The following SPECC1L variants were observed in gnomAD, a reference collection of about 807,000 sequenced individuals.
The protein encoded by SPECC1L is cytospin-A.
A neutral mutation model predicts 116.8 loss-of-function variants in SPECC1L; 40 were observed. The ratio of observed to expected loss-of-function variants is 0.34; its 90% CI spans 0.27 to 0.45. The LOEUF (loss-of-function observed/expected upper bound fraction) is 0.45. Ranked by LOEUF, SPECC1L falls within the 20% of genes least tolerant of loss-of-function variation. SPECC1L has a pLI of 1.00. For missense variants in SPECC1L, 1,110 were observed against 1,373.6 expected (o/e 0.81, Z 3.03); for synonymous variants, 504 against 500.6 (o/e 1.01, Z -0.09).
intron 14 of SPECC1L, among the ~76,000 whole-genome samples, chr22:24,380,500 A>G (rs2042045288): frequency 6.6e-6 from 1 of 152,244 alleles, no homozygotes; most frequent in East Asian, 1.9e-4. Flanking sequence ...CAACGGAGAT[A>G]GATTCCCTAA....
At position 24,415,612 on chromosome 22, in the gene SPECC1L, C is replaced by T. The variant is rs530046309; in HGVS notation, c.*989C>T. 6.5e-6 allele frequency: 1 copy of T among 152,706 alleles called. No individual in the cohort carries two copies. The highest frequency in any genetic ancestry group is 6.5e-5 in the Admixed American group (1 of 15,308). 9.5% of individuals were successfully genotyped at this position (152,706 alleles called of 1,614,324 possible). A position where few individuals can be genotyped will look rare whatever the true frequency, so the allele number is the denominator to read the frequency against. On this transcript the variant is annotated 3_prime_UTR_variant, in exon 17 of 17. Coordinates refer to ENST00000314328, the MANE Select transcript of SPECC1L (RefSeq NM_015330.6). Reference sequence around the variant, plus strand: ...GGGAGCCCAGGCAGTGTCATTTAAACTCACTGAGTCACTAAGACATAATTC... The same window carrying T: ...GGGAGCCCAGGCAGTGTCATTTAAATTCACTGAGTCACTAAGACATAATTC...
At chr22:24,396,184 C>G (rs748475850) in intron 14 of SPECC1L, among the ~76,000 whole-genome samples, 1 of 152,134 alleles carries the variant, frequency 6.6e-6, no homozygotes, top group Non-Finnish European at 1.5e-5. Flanking sequence ...CTAAACCAGT[C>G]ATGAAATACA....
intron 14 of SPECC1L, among the ~76,000 whole-genome samples, chr22:24,382,877 C>T (rs561374649): frequency 7.9e-5 from 12 of 151,764 alleles, no homozygotes; most frequent in Non-Finnish European, 8.8e-5. Flanking sequence ...CAGAGTGAGA[C>T]CCCATCTCTT....
chr22:24,367,346 C>A (rs1227219580), intron 13 of SPECC1L, among the ~76,000 whole-genome samples: 3 of 152,210 alleles, frequency 2.0e-5, no homozygotes, highest in Non-Finnish European at 4.4e-5. Context: ...TTAAAGCAAG[C>A]TTCTCCAACC....
At chr22:24,307,455 T>G (rs2049522802) in intron 3 of SPECC1L, among the ~76,000 whole-genome samples, 1 of 152,118 alleles carries the variant, frequency 6.6e-6, no homozygotes, top group South Asian at 2.1e-4. Flanking sequence ...CTGCCTTGCT[T>G]TCGCTCTCTT....
intron 7 of SPECC1L, among the ~76,000 whole-genome samples, 167 bp from the exon 8 acceptor site, chr22:24,330,089 A>G (rs2040909273): frequency 6.6e-6 from 1 of 152,186 alleles, no homozygotes; most frequent in African/African-American, 2.4e-5. Flanking sequence ...TAATAGTTGC[A>G]TTGCCTGTTA....
chr22:24,325,581 A>AATT (rs1569421900), intron 6 of SPECC1L, among the ~76,000 whole-genome samples: 100 of 144,020 alleles, frequency 6.9e-4, no homozygotes, highest in African/African-American at 2.4e-3. Context: ...ATTTATTTAT[A>AATT]AGAGGTGACA....
chr22:24,410,633 T>A (rs1371482555), intron 14 of SPECC1L, among the ~76,000 whole-genome samples: 1 of 152,226 alleles, frequency 6.6e-6, no homozygotes, highest in African/African-American at 2.4e-5. Flanking sequence ...TACTTTTTTT[T>A]AACCACAAGT....
chr22:24,308,714 A>T (rs889585919), intron 3 of SPECC1L, among the ~76,000 whole-genome samples: 1 of 152,076 alleles, frequency 6.6e-6, no homozygotes, highest in Non-Finnish European at 1.5e-5. Context: ...TTCTTTCCCA[A>T]ATCAGTTAGT....
chr22:24,408,341 A>G (rs181229426), intron 14 of SPECC1L, among the ~76,000 whole-genome samples: 73 of 152,364 alleles, frequency 4.8e-4, no homozygotes, highest in African/African-American at 1.6e-3. Flanking sequence ...GGTAACTGTT[A>G]AATCATGGCC....
At chr22:24,353,185 T>G (rs557781756) in intron 11 of SPECC1L, among the ~76,000 whole-genome samples, 111 of 152,218 alleles carry the variant, frequency 7.3e-4, no homozygotes, top group Non-Finnish European at 1.3e-3. Flanking sequence ...AGAATTTATT[T>G]GAATTTTACC....
At chr22:24,367,145 A>G (rs1191917675) in intron 13 of SPECC1L, among the ~76,000 whole-genome samples, 2 of 152,186 alleles carry the variant, frequency 1.3e-5, no homozygotes, top group African/African-American at 2.4e-5. Context: ...AGTGAGCGAG[A>G]TCGTGCGACT....
chr22:24,409,385 A>G (rs2042649659), intron 14 of SPECC1L, among the ~76,000 whole-genome samples: 1 of 152,222 alleles, frequency 6.6e-6, no homozygotes, highest in Non-Finnish European at 1.5e-5. Flanking sequence ...TGGTGTCTGC[A>G]TAAAGTGTGA....
At chr22:24,414,437 C>T (rs2042763589) in intron 16 of SPECC1L, 97 bp from the exon 17 acceptor site, 1 of 954,280 alleles carries the variant, frequency 1.0e-6, no homozygotes, top group South Asian at 1.4e-5. Flanking sequence ...TTCAAGGCCC[C>T]ATCCAACTCC....
intron 14 of SPECC1L, among the ~76,000 whole-genome samples, chr22:24,407,765 G>T (rs1337458530): frequency 6.6e-6 from 1 of 152,074 alleles, no homozygotes; most frequent in East Asian, 1.9e-4. Context: ...TGGACAAGGG[G>T]ACCTTGCATT....
intron 3 of SPECC1L, among the ~76,000 whole-genome samples, chr22:24,312,826 AT>A (rs2040488279): frequency 6.6e-6 from 1 of 152,220 alleles, no homozygotes; most frequent in Admixed American, 6.5e-5. Flanking sequence ...CCTCCTTTCA[AT>A]TGTGACTAAA....
At chr22:24,287,844 G>C (rs2049071548) in intron 2 of SPECC1L, among the ~76,000 whole-genome samples, 1 of 152,090 alleles carries the variant, frequency 6.6e-6, no homozygotes, top group Admixed American at 6.5e-5. Flanking sequence ...TTTCCTTCTT[G>C]CCGGTGAGGT....
At chr22:24,307,234 T>C (rs375965131) in intron 3 of SPECC1L, among the ~76,000 whole-genome samples, 2 of 152,236 alleles carry the variant, frequency 1.3e-5, no homozygotes, top group Non-Finnish European at 2.9e-5. Flanking sequence ...TGCCTATTGT[T>C]TCTCGCTGCT....
intron 4 of SPECC1L, among the ~76,000 whole-genome samples, chr22:24,317,506 G>A (rs1234689937): frequency 7.9e-6 from 1 of 126,894 alleles, no homozygotes; most frequent in African/African-American, 2.7e-5. Flanking sequence ...CCTCCCTCCC[G>A]GACGGGGCGG....
Sources: allele counts gnomAD v4.1 joint callset (sites outside exome capture counted in the v4.1 genomes callset), GRCh38; gene constraint gnomAD v4.1.1; transcripts MANE v1.5; gene names NCBI Gene and HGNC (gene_info 2026-07-23, HGNC 2026-07-21).